Variants in TMCC1 observed in about 807,000 individuals in gnomAD.
The protein encoded by TMCC1 is transmembrane and coiled-coil domain family 1.
Under a neutral mutation model 52.4 loss-of-function variants are expected in TMCC1, and 15 were observed. The observed-to-expected ratio is 0.29, with a 90% CI of 0.19 to 0.44. TMCC1 has a LOEUF of 0.44. Ranked by LOEUF, TMCC1 falls within the 20% of genes least tolerant of loss-of-function variation. The probability of loss-of-function intolerance (pLI) is 1.00; values close to 1 mark genes in which losing one functional copy is unlikely to be tolerated. For synonymous variants in TMCC1, 279 were observed against 301.9 expected (o/e 0.92, Z 0.79); for missense variants, 503 against 806.0 (o/e 0.62, Z 4.55).
intron 4 of TMCC1, among the ~76,000 whole-genome samples, chr3:129,806,374 A>T (rs764255515): frequency 6.6e-6 from 1 of 152,262 alleles, no homozygotes; most frequent in Non-Finnish European, 1.5e-5. Flanking sequence ...TGAGAATTTC[A>T]GTCCTCTTCC....
At chr3:129,867,809 T>C (rs563487448) in intron 2 of TMCC1, among the ~76,000 whole-genome samples, 20 of 152,310 alleles carry the variant, frequency 1.3e-4, no homozygotes, top group African/African-American at 3.4e-4. Context: ...ACTGAGTCAC[T>C]GAGTCAGAGC....
intron 2 of TMCC1, among the ~76,000 whole-genome samples, chr3:129,872,719 A>G (rs1303139602): frequency 6.6e-6 from 1 of 152,158 alleles, no homozygotes; most frequent in African/African-American, 2.4e-5. Flanking sequence ...AGGTGAGGGG[A>G]AAAATGTGGG....
intron 2 of TMCC1, among the ~76,000 whole-genome samples, chr3:129,849,310 A>G (rs993804076): frequency 6.6e-6 from 1 of 152,010 alleles, no homozygotes; most frequent in African/African-American, 2.4e-5. Flanking sequence ...TAAAAATACA[A>G]AAAGCTGGGC....
At chr3:129,778,794 A>T (rs1576807894) in intron 4 of TMCC1, among the ~76,000 whole-genome samples, 1 of 152,100 alleles carries the variant, frequency 6.6e-6, no homozygotes, top group African/African-American at 2.4e-5. Flanking sequence ...CATCATGTGA[A>T]GAAGGATGTG....
chr3:129,838,381 C>G (rs1577041248), intron 2 of TMCC1, among the ~76,000 whole-genome samples: 1 of 151,814 alleles, frequency 6.6e-6, no homozygotes, highest in Non-Finnish European at 1.5e-5. Context: ...TGCATTCCAG[C>G]CTGGATGACA....
intron 4 of TMCC1, among the ~76,000 whole-genome samples, chr3:129,721,900 A>C (rs1004321755): frequency 6.8e-6 from 1 of 146,592 alleles, no homozygotes; most frequent in African/African-American, 2.5e-5. Context: ...AAAAAACACA[A>C]AGCGTGTGCA....
chr3:129,732,109 T>C (rs1057455493), intron 4 of TMCC1, among the ~76,000 whole-genome samples: 1 of 152,238 alleles, frequency 6.6e-6, no homozygotes, highest in East Asian at 1.9e-4. Flanking sequence ...GCAACCTTGC[T>C]AACCTCACTT....
At chr3:129,701,648 A>C (rs2047846067) in intron 4 of TMCC1, among the ~76,000 whole-genome samples, 1 of 152,204 alleles carries the variant, frequency 6.6e-6, no homozygotes, top group Non-Finnish European at 1.5e-5. Flanking sequence ...AGAATTATGA[A>C]ATTTCAGGAA....
intron 4 of TMCC1, among the ~76,000 whole-genome samples, chr3:129,797,781 C>A (rs1314270943): frequency 6.6e-6 from 1 of 152,158 alleles, no homozygotes; most frequent in African/African-American, 2.4e-5. Flanking sequence ...CTCTTAAAAA[C>A]TTTAAGCAGA....
chr3:129,870,758 T>C (rs1403971571), intron 2 of TMCC1, among the ~76,000 whole-genome samples: 2 of 1,268 alleles, frequency 1.6e-3, no homozygotes, highest in African/African-American at 2.9e-3. Flanking sequence ...AGACTCCATC[T>C]CAAAAAAAAA....
At chr3:129,677,924 G>T (rs962903201) in intron 4 of TMCC1, among the ~76,000 whole-genome samples, 1 of 152,124 alleles carries the variant, frequency 6.6e-6, no homozygotes, top group African/African-American at 2.4e-5. Flanking sequence ...CCAACAGTCG[G>T]TTCATTTTTT....
chr3:129,812,151 G>A (rs866913849), intron 4 of TMCC1, among the ~76,000 whole-genome samples: 1 of 151,762 alleles, frequency 6.6e-6, no homozygotes, highest in Non-Finnish European at 1.5e-5. Flanking sequence ...AGATCAGCCT[G>A]GCCAACACAG....
At chr3:129,765,540 A>G (rs2054055830) in intron 4 of TMCC1, among the ~76,000 whole-genome samples, 1 of 152,170 alleles carries the variant, frequency 6.6e-6, no homozygotes, top group Admixed American at 6.5e-5. Flanking sequence ...ACTTTTATAA[A>G]TTATGTATAA....
At chr3:129,783,987 G>A (rs1263772765) in intron 4 of TMCC1, among the ~76,000 whole-genome samples, 1 of 152,188 alleles carries the variant, frequency 6.6e-6, no homozygotes, top group East Asian at 1.9e-4. Context: ...CAAATATTTG[G>A]TATCTTCAAT....
At chr3:129,780,576 T>C (rs966343475) in intron 4 of TMCC1, among the ~76,000 whole-genome samples, 4 of 152,034 alleles carry the variant, frequency 2.6e-5, no homozygotes, top group African/African-American at 9.7e-5. Flanking sequence ...AAAAACATAA[T>C]ATACCCAAAC....
chr3:129,666,062 C>T (rs746130992), intron 5 of TMCC1, among the ~76,000 whole-genome samples: 2 of 152,142 alleles, frequency 1.3e-5, no homozygotes, highest in South Asian at 2.1e-4. Context: ...TGAGCATCCA[C>T]GCATGCATTA....
At chr3:129,740,724 C>A (rs1198878406) in intron 4 of TMCC1, among the ~76,000 whole-genome samples, 2 of 152,120 alleles carry the variant, frequency 1.3e-5, no homozygotes, top group Non-Finnish European at 2.9e-5. Flanking sequence ...GCAAAGTCTA[C>A]CTATCTCTAC....
At chr3:129,771,236 TG>T (rs2054555444) in intron 4 of TMCC1, among the ~76,000 whole-genome samples, 1 of 152,148 alleles carries the variant, frequency 6.6e-6, no homozygotes, top group South Asian at 2.1e-4. Context: ...AAAATGATCC[TG>T]GCTTAAAGGA....
intron 2 of TMCC1, chr3:129,847,687 A>T (rs2059728503): frequency 6.6e-6 from 1 of 152,218 alleles, no homozygotes; most frequent in Non-Finnish European, 1.5e-5. Flanking sequence ...TCTCTTGAAT[A>T]ATTAGAAATG....
Sources: gnomAD v4.1 joint callset for allele counts (sites outside exome capture counted in the v4.1 genomes callset) on GRCh38, gnomAD v4.1.1 for gene constraint, MANE v1.5 for transcripts, NCBI Gene and HGNC (gene_info 2026-07-23, HGNC 2026-07-21) for gene names.